Variants in AGBL4 observed in about 807,000 individuals in gnomAD.
The protein encoded by AGBL4 is AGBL carboxypeptidase 4, also known as cytosolic carboxypeptidase 6.
Under a neutral mutation model 66.4 loss-of-function variants are expected in AGBL4, and 58 were observed. The observed-to-expected ratio is 0.87, with a 90% CI of 0.71 to 1.09. The LOEUF is 1.09. Among genes scored for constraint, AGBL4 ranks in the 50% least tolerant of loss-of-function variants. AGBL4 has a pLI of 0.00. For missense variants in AGBL4, 579 were observed against 631.0 expected, an observed-to-expected ratio of 0.92 and a Z score of 0.88; for synonymous variants, 234 against 222.9, an observed-to-expected ratio of 1.05 and a Z score of -0.44.
intron 3 of AGBL4, among the ~76,000 whole-genome samples, chr1:49,301,375 G>C (rs1199524590): frequency 1.3e-5 from 2 of 152,326 alleles, no homozygotes; most frequent in East Asian, 3.9e-4. Flanking sequence ...AACTGTCTTT[G>C]CTAATCACTA....
At chr1:48,557,419 G>C (rs1644336765) in intron 11 of AGBL4, among the ~76,000 whole-genome samples, 1 of 152,120 alleles carries the variant, frequency 6.6e-6, no homozygotes, top group Non-Finnish European at 1.5e-5. Context: ...ACACACTCCA[G>C]AAGGTAAAGT....
In AGBL4 at chr1:48,800,383, C is replaced by G. The variant is rs1043532886; in HGVS notation, c.634+66808G>C. Among the ~76,000 whole-genome samples the G allele has an allele frequency of 4.6e-5, 7 of 152,308 alleles. No individual in the cohort carries two copies. In the East Asian group the frequency reaches 9.6e-4, roughly 21 times the overall value. On this transcript the variant is annotated intron_variant, in intron 6 of 13. Transcript: ENST00000371839. ...TTCTAATTGAGCTTATTTGGATCAT[C>G]TCTGTTCTTTCCTTGGTTAATCTCA... is the stretch of plus-strand genomic sequence containing the variant.
chr1:49,112,852 A>G (rs1357441452), intron 4 of AGBL4, among the ~76,000 whole-genome samples: 38 of 151,800 alleles, frequency 2.5e-4, no homozygotes, highest in Admixed American at 2.4e-3. Context: ...GAAGTCTTGA[A>G]CCCCTCATAG....
chr1:49,122,158 G>T (rs1212144569), intron 4 of AGBL4, among the ~76,000 whole-genome samples: 1 of 152,218 alleles, frequency 6.6e-6, no homozygotes, highest in Non-Finnish European at 1.5e-5. Context: ...TCAACCCCTT[G>T]CACTTCCCAG....
intron 3 of AGBL4, among the ~76,000 whole-genome samples, chr1:49,565,127 C>A (rs1487229698): frequency 6.6e-6 from 1 of 152,104 alleles, no homozygotes; most frequent in African/African-American, 2.4e-5. Flanking sequence ...AGGATTGCAA[C>A]CCCTGCCTTT....
At chr1:49,569,159 T>C (rs1021706574) in intron 3 of AGBL4, among the ~76,000 whole-genome samples, 2 of 152,018 alleles carry the variant, frequency 1.3e-5, no homozygotes, top group Non-Finnish European at 2.9e-5. Flanking sequence ...GTTCTCATTT[T>C]GAGGGATATA....
intron 4 of AGBL4, among the ~76,000 whole-genome samples, chr1:49,077,096 G>A (rs1249869713): frequency 1.9e-5 from 1 of 51,646 alleles, no homozygotes; most frequent in Non-Finnish European, 8.5e-5. Flanking sequence ...TTCTGTGTGC[G>A]TGTGTGTGTG....
chr1:48,825,021 C>T (rs748843503), intron 6 of AGBL4, among the ~76,000 whole-genome samples: 71 of 152,302 alleles, frequency 4.7e-4, no homozygotes, highest in Non-Finnish European at 5.6e-4. Context: ...TGAAGATGTA[C>T]ATCAAGTGCC....
chr1:49,242,959 G>C (rs1390359087), intron 4 of AGBL4, among the ~76,000 whole-genome samples: 1 of 151,514 alleles, frequency 6.6e-6, no homozygotes, highest in East Asian at 1.9e-4. Flanking sequence ...CCTATGAGAG[G>C]TGAAGAAGAA....
chr1:48,949,044 C>A (rs1466531211), intron 5 of AGBL4, among the ~76,000 whole-genome samples: 1 of 152,142 alleles, frequency 6.6e-6, no homozygotes, highest in African/African-American at 2.4e-5. Flanking sequence ...AGAATTTATA[C>A]AGAATTTCCA....
chr1:49,856,955 T>C (rs1646449596), intron 1 of AGBL4, among the ~76,000 whole-genome samples: 1 of 151,838 alleles, frequency 6.6e-6, no homozygotes, highest in African/African-American at 2.4e-5. Context: ...ATAGATGACA[T>C]GATCTTTTAT....
At chr1:48,541,102 A>G (rs1388716996) in intron 11 of AGBL4, among the ~76,000 whole-genome samples, 3 of 152,108 alleles carry the variant, frequency 2.0e-5, no homozygotes, top group Non-Finnish European at 4.4e-5. Context: ...TTCCAGAAAC[A>G]CTGAGCTTCT....
intron 5 of AGBL4, among the ~76,000 whole-genome samples, chr1:48,892,581 G>A (rs986797539): frequency 6.6e-6 from 1 of 152,114 alleles, no homozygotes; most frequent in Non-Finnish European, 1.5e-5. Context: ...AAGTAAAAGC[G>A]GGGCAACACT....
chr1:49,278,016 C>G (rs1644204384), intron 3 of AGBL4, among the ~76,000 whole-genome samples: 2 of 152,146 alleles, frequency 1.3e-5, no homozygotes, highest in Non-Finnish European at 2.9e-5. Flanking sequence ...ATCATAACAA[C>G]ATGGCAAGAA....
intron 1 of AGBL4, among the ~76,000 whole-genome samples, chr1:49,856,815 AACAAG>A (rs1398067947): frequency 2.6e-5 from 4 of 152,086 alleles, no homozygotes; most frequent in African/African-American, 9.7e-5. Flanking sequence ...CTAAGAACAG[AACAAG>A]ACAAGGATGC....
chr1:48,747,631 C>A (rs1426880416), intron 6 of AGBL4, among the ~76,000 whole-genome samples: 1 of 152,222 alleles, frequency 6.6e-6, no homozygotes, highest in Non-Finnish European at 1.5e-5. Context: ...ATTTACTTTA[C>A]CTCTTTAAGC....
chr1:49,499,550 A>C (rs988897738), intron 3 of AGBL4, among the ~76,000 whole-genome samples: 2 of 151,344 alleles, frequency 1.3e-5, no homozygotes, highest in African/African-American at 4.9e-5. Flanking sequence ...AGTCCATTAC[A>C]TCATTCTTAT....
intron 3 of AGBL4, among the ~76,000 whole-genome samples, chr1:49,403,069 C>T (rs1645121462): frequency 1.3e-5 from 2 of 152,106 alleles, no homozygotes; most frequent in African/African-American, 4.8e-5. Flanking sequence ...CTGTCCAATG[C>T]TGAAAGTGGA....
At chr1:49,931,499 G>T (rs1220526758) in intron 1 of AGBL4, among the ~76,000 whole-genome samples, 1 of 152,060 alleles carries the variant, frequency 6.6e-6, no homozygotes, top group Non-Finnish European at 1.5e-5. Flanking sequence ...GCAAGACGGG[G>T]GAAGTGCCAG....
Sources: allele counts gnomAD v4.1 joint callset (sites outside exome capture counted in the v4.1 genomes callset), GRCh38; gene constraint gnomAD v4.1.1; transcripts MANE v1.5; gene names NCBI Gene and HGNC (gene_info 2026-07-23, HGNC 2026-07-21).